Variants in SPACA1 observed in about 807,000 individuals in gnomAD.
SPACA1 encodes sperm acrosome associated 1.
A neutral mutation model predicts 32.6 loss-of-function variants in SPACA1; 17 were observed. The observed-to-expected ratio is 0.52, with a 90% CI of 0.36 to 0.78. The LOEUF (loss-of-function observed/expected upper bound fraction) is 0.78. Among genes scored for constraint, SPACA1 ranks in the 30% least tolerant of loss-of-function variants. The probability of loss-of-function intolerance (pLI) is 0.01; values close to 1 mark genes in which losing one functional copy is unlikely to be tolerated. For synonymous variants in SPACA1, 140 were observed against 138.1 expected (o/e 1.01, Z -0.10); for missense variants, 363 against 373.4 (o/e 0.97, Z 0.23).
rs1419180812 is a variant in SPACA1, at chr6:88,059,533, A to G, written c.555A>G (p.Thr185=). The G allele has an allele frequency of 3.1e-6, 5 of 1,613,750 alleles. No individual in the cohort carries two copies. The highest frequency in any genetic ancestry group is 4.2e-6 in the Non-Finnish European group (5 of 1,179,814). The change falls in exon 5 of 7, where the codon ACA becomes ACG. Residue 185 remains threonine, a synonymous_variant. Coordinates refer to ENST00000237201, the MANE Select transcript of SPACA1 (RefSeq NM_030960.3). ...ESHPLAFECD[T]LDNNEIVATI... is the part of the protein sequence containing the mutation. ...ACCCCTTGGCTTTCGAGTGTGACACACTGGATAATAATGAAATAGTAGCAA... is the reference window on the plus strand; with the variant it reads ...ACCCCTTGGCTTTCGAGTGTGACACGCTGGATAATAATGAAATAGTAGCAA...
intron 2 of SPACA1, 68 bp from the exon 3 acceptor site, chr6:88,057,543 TG>T: frequency 9.8e-7 from 1 of 1,017,902 alleles, no homozygotes; most frequent in Non-Finnish European, 1.5e-6. Context: ...AAGACCTAGG[TG>T]GGAAAGTGAA....
chr6:88,050,828 G>A (rs1030305785), intron 1 of SPACA1, among the ~76,000 whole-genome samples: 6 of 152,218 alleles, frequency 3.9e-5, no homozygotes, highest in African/African-American at 1.4e-4. Context: ...ATATCACAAT[G>A]TTTCAAGATA....
chr6:88,057,818 C>T (rs1260480391), intron 3 of SPACA1, 105 bp downstream of exon 3: 1 of 790,128 alleles, frequency 1.3e-6, no homozygotes, highest in Non-Finnish European at 2.2e-6. Flanking sequence ...AACCAGTTGA[C>T]ATACTCAAAG....
intron 5 of SPACA1, among the ~76,000 whole-genome samples, chr6:88,063,524 A>T (rs1775927645): frequency 6.6e-6 from 1 of 152,196 alleles, no homozygotes; most frequent in Non-Finnish European, 1.5e-5. Flanking sequence ...GAAAATCAGG[A>T]TGCTTGTTGC....
chr6:88,059,527 T>C lies in SPACA1; in HGVS notation c.549T>C (p.Cys183=). ...AAAGTCACCCCTTGGCTTTCGAGTG[T>C]GACACACTGGATAATAATGAAATAG... The part of the protein sequence containing the change: ...RKESHPLAFE[C]DTLDNNEIVA... Residue 183 remains cysteine (C), a synonymous_variant, in exon 5 of 7, where the codon TGT becomes TGC. Coordinates refer to ENST00000237201, the MANE Select transcript of SPACA1 (RefSeq NM_030960.3). 8 of 1,613,646 alleles carry C rather than the reference T, an allele frequency of 5.0e-6. No homozygotes were observed. The highest frequency in any genetic ancestry group is 6.8e-6 in the Non-Finnish European group (8 of 1,179,760).
rs200466371 is a variant in SPACA1, at chr6:88,053,955, G to A, written c.218G>A (p.Arg73Lys). 8.1e-5 allele frequency: 130 copies of A among 1,613,180 alleles called. No homozygotes were observed. Among genetic ancestry groups the A allele is most frequent in the East Asian group, 3.8e-4 (17 of 44,826 alleles). The change falls in exon 2 of 7, where the codon AGG becomes AAG. Residue 73 changes from arginine to lysine, a missense_variant. Physicochemically the swap from Arg to Lys is conservative, Grantham distance 26 (BLOSUM62 2). Coordinates refer to ENST00000237201, the MANE Select transcript of SPACA1 (RefSeq NM_030960.3). ...APPETEDVSN[R>K]NVVKEVEFGM... ...TACCCTTTATGTTTAGTTTCAAATA[G>A]GAATGTCGTCAAAGAAGTAGAATTC... is the stretch of plus-strand genomic sequence containing the variant.
At chr6:88,058,383 T>A (rs1027701012) in intron 3 of SPACA1, among the ~76,000 whole-genome samples, 1 of 152,204 alleles carries the variant, frequency 6.6e-6, no homozygotes, top group South Asian at 2.1e-4. Flanking sequence ...ACACCTGTAA[T>A]CTTAGCACTT....
intron 1 of SPACA1, among the ~76,000 whole-genome samples, chr6:88,051,324 T>C (rs1775725539): frequency 6.6e-6 from 1 of 152,218 alleles, no homozygotes; most frequent in South Asian, 2.1e-4. Flanking sequence ...CAATGGGTTT[T>C]ATCCTATACA....
At position 88,048,180 on chromosome 6, in the gene SPACA1, T is replaced by C. The variant is rs2127797001; in HGVS notation, c.208+67T>C. ...GTTGACGGAGCAAAGGCCTGCTCTT[T>C]GCCTGAGAACCATAATTATGTGTGT... On this transcript the variant is annotated intron_variant, in intron 1 of 6. Transcript: ENST00000237201. 7 of 1,450,676 alleles carry C rather than the reference T, an allele frequency of 4.8e-6. No homozygotes were observed. In the South Asian group the frequency reaches 8.9e-5, roughly 18 times the overall value. The allele number at this position is 1,450,676 out of a possible 1,614,324, so 89.9% of individuals were successfully genotyped here. A position where few individuals can be genotyped will look rare whatever the true frequency, so the allele number is the denominator to read the frequency against.
At position 88,048,005 on chromosome 6, in the gene SPACA1, G is replaced by A. The variant is rs1360443588; in HGVS notation, c.100G>A (p.Ala34Thr). The change falls in exon 1 of 7, where the codon GCT (alanine) becomes ACT (threonine). Residue 34 changes from alanine (A) to threonine (T), a missense_variant. Transcript: ENST00000237201. ...GTCCGCGCGCGGGACCAACGTCACC[G>A]CTGCCGTCCAGGATGCCGGCCTGGC... The part of the protein sequence containing the change: ...LQSARGTNVT[A>T]AVQDAGLAHE... 9 of 1,585,630 alleles carry A rather than the reference G, an allele frequency of 5.7e-6. No individual in the cohort carries two copies. The highest frequency in any genetic ancestry group is 1.3e-5 in the African/African-American group (1 of 74,704).
At chr6:88,056,373 C>G (rs1166382529) in intron 2 of SPACA1, among the ~76,000 whole-genome samples, 1 of 151,036 alleles carries the variant, frequency 6.6e-6, no homozygotes, top group Non-Finnish European at 1.5e-5. Context: ...CTTTGATAAA[C>G]TCAAGTGGAG....
chr6:88,064,185 A>G lies in SPACA1; in HGVS notation c.697A>G (p.Ile233Val). 1.2e-6 allele frequency: 2 copies of G among 1,612,802 alleles called. No homozygotes were observed. The highest frequency in any genetic ancestry group is 1.7e-6 in the Non-Finnish European group (2 of 1,179,374). The change falls in exon 6 of 7, where the codon ATA becomes GTA. Residue 233 changes from isoleucine to valine, a missense_variant. Coordinates refer to ENST00000237201, the MANE Select transcript of SPACA1 (RefSeq NM_030960.3). ...LTIGVIICVFIIFLLIFIIIN... is the reference protein window; with the variant it reads ...LTIGVIICVFVIFLLIFIIIN... Reference sequence around the variant, plus strand: ...CATAGGAGTCATTATCTGTGTATTTATAATTTTCTTATTGATCTTCATAAT... The same window carrying G: ...CATAGGAGTCATTATCTGTGTATTTGTAATTTTCTTATTGATCTTCATAAT...
chr6:88,048,107 G>A lies in SPACA1; in HGVS notation c.202G>A (p.Glu68Lys), dbSNP rs767321835. ...GGAGAACTACGCTCCGCCTGAAACC[G>A]AGGATGGTGAGGGCGGGAGCTCCCT... Reference protein sequence around the residue: ...TAENYAPPETEDVSNRNVVKE... With the variant: ...TAENYAPPETKDVSNRNVVKE... Residue 68 changes from glutamate to lysine, a missense_variant, in exon 1 of 7, where the codon GAG becomes AAG. By Grantham distance (56) the Glu-to-Lys change is moderately conservative (BLOSUM62 1). Transcript: ENST00000237201. The A allele has an allele frequency of 1.9e-6, 3 of 1,587,958 alleles. No individual in the cohort carries two copies. Among genetic ancestry groups the A allele is most frequent in the African/African-American group, 1.3e-5 (1 of 74,898 alleles).
chr6:88,066,162 G>T lies in SPACA1; in HGVS notation c.732-20G>T. 2 of 1,541,408 alleles carry T rather than the reference G, an allele frequency of 1.3e-6. No individual in the cohort carries two copies. Among genetic ancestry groups the T allele is most frequent in the South Asian group, 1.3e-5 (1 of 77,718 alleles). ...GTTTTCACTTCATATGGTGGTTTTG[G>T]TTTTTGTTTTTTCTTCCAGGGCAGC... On this transcript the variant is annotated intron_variant, in intron 6 of 6. Coordinates refer to ENST00000237201, the MANE Select transcript of SPACA1 (RefSeq NM_030960.3).
upstream of SPACA1, among the ~76,000 whole-genome samples, chr6:88,046,919 A>G (rs1464219351): frequency 1.3e-5 from 2 of 152,184 alleles, no homozygotes; most frequent in African/African-American, 2.4e-5. Context: ...TAGATATTCA[A>G]ATATTCCAAA....
chr6:88,051,805 T>C (rs769589430), intron 1 of SPACA1, among the ~76,000 whole-genome samples: 1 of 152,214 alleles, frequency 6.6e-6, no homozygotes, highest in Non-Finnish European at 1.5e-5. Flanking sequence ...GATCCAGATG[T>C]ATCATCAAAT....
intron 5 of SPACA1, among the ~76,000 whole-genome samples, chr6:88,062,811 A>G (rs1237081165): frequency 1.2e-4 from 18 of 152,132 alleles, no homozygotes; most frequent in Admixed American, 1.2e-3. Context: ...GGGTATGTGG[A>G]TATGTGTATA....
upstream of SPACA1, chr6:88,047,821 G>T: frequency 3.8e-6 from 5 of 1,308,232 alleles, no homozygotes; most frequent in Non-Finnish European, 5.1e-6. Flanking sequence ...GGCTACGGGC[G>T]GGGTGTCGCA....
At position 88,047,913 on chromosome 6, in the gene SPACA1, C is replaced by T; in HGVS notation, c.8C>T (p.Pro3Leu). MS[P>L]RGTGCSAGLL... ...CCGTCGGGGCCGAGAACCATGAGCC[C>T]CAGGGGCACGGGCTGCTCCGCCGGG... The change falls in exon 1 of 7, where the codon CCC becomes CTC. Residue 3 changes from proline to leucine, a missense_variant. Pro to Leu is a moderately conservative substitution (Grantham distance 98, BLOSUM62 -3). Coordinates refer to ENST00000237201, the MANE Select transcript of SPACA1 (RefSeq NM_030960.3). The T allele has an allele frequency of 6.4e-7, 1 of 1,554,174 alleles. No homozygotes were observed. The highest frequency in any genetic ancestry group is 8.7e-7 in the Non-Finnish European group (1 of 1,149,586).
Sources: gnomAD v4.1 joint callset for allele counts (sites outside exome capture counted in the v4.1 genomes callset) on GRCh38, gnomAD v4.1.1 for gene constraint, MANE v1.5 for transcripts, NCBI Gene and HGNC (gene_info 2026-07-23, HGNC 2026-07-21) for gene names.